IGSF23: variants seen among roughly 807,000 people sequenced by gnomAD.
IGSF23 encodes immunoglobulin superfamily, member 23.
Under a neutral mutation model 17.8 loss-of-function variants are expected in IGSF23, and 14 were observed. The observed-to-expected ratio is 0.79, with a 90% CI of 0.52 to 1.23. The LOEUF is 1.23. Ranked by LOEUF, IGSF23 falls within the 50% of genes most tolerant of loss-of-function variation. IGSF23 has a pLI of 0.00. For missense variants in IGSF23, 214 were observed against 241.7 expected, an observed-to-expected ratio of 0.89 and a Z score of 0.76; for synonymous variants, 85 against 92.5, an observed-to-expected ratio of 0.92 and a Z score of 0.46.
At chr19:44,626,037 G>A (rs1972639494) in intron 2 of IGSF23, among the ~76,000 whole-genome samples, 1 of 152,132 alleles carries the variant, frequency 6.6e-6, no homozygotes, top group Non-Finnish European at 1.5e-5. Flanking sequence ...CCCAGTCTCA[G>A]GTATTTCTTC....
At chr19:44,627,598 C>T (rs1252427736) in intron 3 of IGSF23, 25 bp downstream of exon 3, 6 of 1,536,222 alleles carry the variant, frequency 3.9e-6, no homozygotes, top group Non-Finnish European at 5.3e-6. Context: ...CACCCCCGTC[C>T]ACTGGGCAAC....
rs1410201744 is a variant in IGSF23, at chr19:44,613,672, T to G, written c.27T>G (p.Leu9=). 8 of 1,549,740 alleles carry G rather than the reference T, an allele frequency of 5.2e-6. 1 individual carries two copies. In the Admixed American group the frequency reaches 1.2e-4, roughly 23 times the overall value. MRAKPQSP[L]PRNPVPAWSP... ...TGAGAGCAAAACCTCAGAGCCCCCT[T>G]CCCAGGAACCCTGTCCCAGCCTGGT... is the stretch of plus-strand genomic sequence containing the variant. Residue 9 remains leucine (L), a synonymous_variant, in exon 1 of 5, where the codon CTT becomes CTG. Coordinates refer to ENST00000402988, the MANE Select transcript of IGSF23 (RefSeq NM_001205280.2).
chr19:44,623,292 C>G (rs548602065), intron 1 of IGSF23, among the ~76,000 whole-genome samples: 31 of 152,276 alleles, frequency 2.0e-4, no homozygotes, highest in African/African-American at 7.5e-4. Context: ...GAGCACAGTC[C>G]CATTGGGGAA....
intron 1 of IGSF23, among the ~76,000 whole-genome samples, chr19:44,616,337 G>A (rs1421634533): frequency 6.6e-6 from 1 of 152,156 alleles, no homozygotes; most frequent in East Asian, 1.9e-4. Context: ...TCTATAATGA[G>A]GAGCAGACGT....
chr19:44,627,571 A>C lies in IGSF23; in HGVS notation c.543A>C (p.Leu181=), dbSNP rs1474812235. 2 of 1,549,440 alleles carry C rather than the reference A, an allele frequency of 1.3e-6. No individual in the cohort carries two copies. The highest frequency in any genetic ancestry group is 1.2e-5 in the South Asian group (1 of 83,934). ...TGTGTTTCATCATCATCCAGAGCCT[A>C]AGGTACCTCTATCCCTCACCCCCGT... ...AGMCFIIIQS[L]RTDRQRIGIC... is the part of the protein sequence containing the mutation. The change falls in exon 3 of 5, where the codon CTA becomes CTC. Residue 181 remains leucine (L), a splice_region_variant and synonymous_variant. Coordinates refer to ENST00000402988, the MANE Select transcript of IGSF23 (RefSeq NM_001205280.2).
intron 3 of IGSF23, among the ~76,000 whole-genome samples, chr19:44,634,397 T>A (rs930809063): frequency 1.3e-5 from 2 of 152,260 alleles, no homozygotes; most frequent in Non-Finnish European, 2.9e-5. Context: ...TTAGTATGAA[T>A]AGCTTGTTTA....
At chr19:44,618,127 C>T (rs189437882) in intron 1 of IGSF23, 16 of 471,162 alleles carry the variant, frequency 3.4e-5, no homozygotes, top group East Asian at 7.0e-5. Context: ...CTGCCCTTCT[C>T]GGCACAGCTG....
chr19:44,629,089 G>A (rs375815629), intron 3 of IGSF23, among the ~76,000 whole-genome samples: 1 of 152,318 alleles, frequency 6.6e-6, no homozygotes, highest in African/African-American at 2.4e-5. Context: ...AGAGGGAGTA[G>A]GGAGGCAGGG....
intron 1 of IGSF23, 38 bp from the exon 2 acceptor site, chr19:44,623,669 T>G (rs573168129): frequency 1.9e-6 from 3 of 1,542,880 alleles, no homozygotes; most frequent in South Asian, 2.4e-5. Context: ...CTGAGTGGAC[T>G]CCACTCTTGT....
chr19:44,616,082 T>C (rs1003844693), intron 1 of IGSF23, among the ~76,000 whole-genome samples: 13 of 152,110 alleles, frequency 8.5e-5, no homozygotes, highest in African/African-American at 2.7e-4. Context: ...AAATACAAAA[T>C]GTTCTCTTGA....
chr19:44,628,778 A>T (rs1458158132), intron 3 of IGSF23, among the ~76,000 whole-genome samples: 8 of 152,306 alleles, frequency 5.3e-5, no homozygotes, highest in Middle Eastern at 3.4e-3. Flanking sequence ...TAAATCTTTT[A>T]AAAAAGATAG....
At chr19:44,624,115 T>A in intron 2 of IGSF23, 143 bp downstream of exon 2, 1 of 679,020 alleles carries the variant, frequency 1.5e-6, no homozygotes, top group Admixed American at 2.9e-5. Flanking sequence ...GTCATTCCAA[T>A]GTTCCATCCA....
intron 4 of IGSF23, 137 bp from the exon 5 acceptor site, chr19:44,636,282 A>C (rs1403098946): frequency 6.6e-6 from 1 of 152,130 alleles, no homozygotes; most frequent in Non-Finnish European, 1.5e-5. Flanking sequence ...CATTTTTGCA[A>C]TCTACGAAGA....
intron 1 of IGSF23, 104 bp downstream of exon 1, chr19:44,613,874 A>T: frequency 6.5e-7 from 1 of 1,548,154 alleles, no homozygotes; most frequent in Non-Finnish European, 8.7e-7. Flanking sequence ...GTCTATGAAG[A>T]CCCCATGTGT....
chr19:44,626,723 T>TAGATGGTGAAGA (rs1568488755), intron 2 of IGSF23, among the ~76,000 whole-genome samples: 1 of 151,682 alleles, frequency 6.6e-6, no homozygotes. Flanking sequence ...CATGGTGAAG[T>TAGATGGTGAAGA]AGATGGTGAA....
chr19:44,635,321 G>A lies in IGSF23; in HGVS notation c.546-80G>A, dbSNP rs1197138164. ...AGGACTACATATTAATTTGGGGAAC[G>A]GATAATAATTCAGTCGATGATTCTT... On this transcript the variant is annotated intron_variant, in intron 3 of 4. Coordinates refer to ENST00000402988, the MANE Select transcript of IGSF23 (RefSeq NM_001205280.2). The A allele has an allele frequency of 2.7e-5, 31 of 1,131,096 alleles. No homozygotes were observed. The South Asian group carries it at 2.8e-4, about 10-fold the overall frequency. The allele number at this position is 1,131,096 out of a possible 1,614,324, so 70.1% of individuals were successfully genotyped here.
At chr19:44,618,738 G>C (rs1568484832) in intron 1 of IGSF23, among the ~76,000 whole-genome samples, 1 of 152,102 alleles carries the variant, frequency 6.6e-6, no homozygotes, top group Non-Finnish European at 1.5e-5. Flanking sequence ...ACTCAGCAAT[G>C]GAAGAGGAAC....
intron 2 of IGSF23, among the ~76,000 whole-genome samples, chr19:44,626,447 C>T (rs965999437): frequency 6.6e-6 from 1 of 152,232 alleles, no homozygotes; most frequent in Admixed American, 6.5e-5. Flanking sequence ...GTGACCAAGA[C>T]AGCTGCAGCC....
intron 1 of IGSF23, among the ~76,000 whole-genome samples, chr19:44,615,924 T>G: frequency 2.0e-5 from 3 of 149,462 alleles, no homozygotes; most frequent in East Asian, 2.0e-4. Flanking sequence ...GAGGGTGGGG[T>G]ACTTTGGAAA....
Sources: allele counts gnomAD v4.1 joint callset (sites outside exome capture counted in the v4.1 genomes callset), GRCh38; gene constraint gnomAD v4.1.1; transcripts MANE v1.5; gene names NCBI Gene and HGNC (gene_info 2026-07-23, HGNC 2026-07-21).